Variants in MYO3A observed in about 807,000 individuals in gnomAD.
MYO3A encodes the protein myosin-IIIa.
A neutral mutation model predicts 192.7 loss-of-function variants in MYO3A; 180 were observed. The ratio of observed to expected loss-of-function variants is 0.93; its 90% CI spans 0.83 to 1.06. The LOEUF (loss-of-function observed/expected upper bound fraction) is 1.06, where lower values mean the gene tolerates loss of function less well. MYO3A is among the 50% of genes least tolerant of loss of function. The pLI is 0.00. For missense variants in MYO3A, 1,896 were observed against 1,905.0 expected (o/e 1.00, Z 0.09); for synonymous variants, 628 against 645.3 (o/e 0.97, Z 0.41).
At chr10:26,130,125 A>G (rs1216488630) in intron 20 of MYO3A, among the ~76,000 whole-genome samples, 3 of 151,462 alleles carry the variant, frequency 2.0e-5, no homozygotes, top group Non-Finnish European at 4.4e-5. Flanking sequence ...TTTTTTTTGA[A>G]ACAGAGTCTC....
intron 29 of MYO3A, among the ~76,000 whole-genome samples, chr10:26,172,308 G>C (rs1842090143): frequency 6.6e-6 from 1 of 152,216 alleles, no homozygotes; most frequent in Non-Finnish European, 1.5e-5. Context: ...ACAGCGGGGA[G>C]CTGGAGAAAG....
chr10:26,040,465 A>G (rs568617715), intron 10 of MYO3A, among the ~76,000 whole-genome samples: 1 of 152,170 alleles, frequency 6.6e-6, no homozygotes, highest in African/African-American at 2.4e-5. Context: ...ATTTTCAGCA[A>G]TTGAGAATTA....
At position 26,096,479 on chromosome 10, in the gene MYO3A, G is replaced by T; in HGVS notation, c.1661G>T (p.Arg554Met). Reference sequence around the variant, plus strand: ...AAACTGCCTGAAAATAAGCCTCCCAGGTAATCTACCAGGTTGAGCTTTCAT... The same window carrying T: ...AAACTGCCTGAAAATAAGCCTCCCATGTAATCTACCAGGTTGAGCTTTCAT... ...HYKLPENKPP[R>M]YLQNDHLRTV... Residue 554 changes from arginine (R) to methionine (M), a missense_variant and splice_region_variant, in exon 16 of 35, where the codon AGG (arginine) becomes ATG (methionine). Transcript: ENST00000642920. 1 of 1,611,612 alleles carries T rather than the reference G, an allele frequency of 6.2e-7. No homozygotes were observed.
intron 3 of MYO3A, 150 bp from the exon 4 acceptor site, chr10:25,954,724 A>T: frequency 1.4e-6 from 1 of 715,196 alleles, no homozygotes; most frequent in East Asian, 2.7e-5. Context: ...AAATTATGTA[A>T]TGAGAAATTA....
chr10:26,099,505 G>T (rs1837292143), intron 17 of MYO3A, among the ~76,000 whole-genome samples: 1 of 152,126 alleles, frequency 6.6e-6, no homozygotes, highest in African/African-American at 2.4e-5. Context: ...CAAAGGGAAT[G>T]CTTCCAGTTT....
At chr10:26,049,895 C>T (rs773302101) in intron 10 of MYO3A, among the ~76,000 whole-genome samples, 2 of 151,862 alleles carry the variant, frequency 1.3e-5, no homozygotes, top group Admixed American at 6.6e-5. Context: ...AGGATGGTCT[C>T]GATCTCATGA....
intron 33 of MYO3A, among the ~76,000 whole-genome samples, chr10:26,201,889 T>C (rs1343741812): frequency 6.6e-6 from 1 of 152,182 alleles, no homozygotes; most frequent in Non-Finnish European, 1.5e-5. Context: ...AATTTGCTTT[T>C]CTTGTTCCAT....
At chr10:25,938,964 A>T (rs1588624244) in intron 2 of MYO3A, among the ~76,000 whole-genome samples, 2 of 152,162 alleles carry the variant, frequency 1.3e-5, no homozygotes, top group East Asian at 3.8e-4. Context: ...ATTATGAGAT[A>T]CAGAACTTGG....
At chr10:26,171,316 A>G (rs899999694) in intron 29 of MYO3A, among the ~76,000 whole-genome samples, 6 of 152,114 alleles carry the variant, frequency 3.9e-5, no homozygotes, top group Non-Finnish European at 5.9e-5. Flanking sequence ...TTTAACATCA[A>G]GTCTGGCCAT....
chr10:26,114,568 A>T (rs986066654), intron 17 of MYO3A, among the ~76,000 whole-genome samples: 2 of 147,468 alleles, frequency 1.4e-5, no homozygotes, highest in Non-Finnish European at 3.0e-5. Flanking sequence ...CGTCAAAAGA[A>T]GAGGACATTT....
At chr10:26,163,871 G>A (rs1029387794) in intron 26 of MYO3A, among the ~76,000 whole-genome samples, 5 of 152,172 alleles carry the variant, frequency 3.3e-5, no homozygotes, top group Non-Finnish European at 7.4e-5. Flanking sequence ...GAACACTAGC[G>A]TTTAAGCAAC....
intron 10 of MYO3A, 143 bp from the exon 11 acceptor site, chr10:26,066,832 A>G (rs1834875385): frequency 6.3e-6 from 4 of 634,446 alleles, no homozygotes; most frequent in Non-Finnish European, 1.1e-5. Context: ...TAAAGATCAA[A>G]TATATTAGGC....
At position 26,157,393 on chromosome 10, in the gene MYO3A, G is replaced by T. The variant is rs1227394916; in HGVS notation, c.2877G>T (p.Gln959His). ...GCATCAAACCAAATAGTGAGCGTCA[G>T]GCAAGAAAATATGACAAAGAGAAAG... ...VRCIKPNSERQARKYDKEKVL... is the reference protein window; with the variant it reads ...VRCIKPNSERHARKYDKEKVL... The change falls in exon 26 of 35, where the codon CAG becomes CAT. Residue 959 changes from glutamine to histidine, a missense_variant. Coordinates refer to ENST00000642920, the MANE Select transcript of MYO3A (RefSeq NM_017433.5). The T allele has an allele frequency of 1.9e-6, 3 of 1,614,086 alleles. No homozygotes were observed. Among genetic ancestry groups the T allele is most frequent in the Non-Finnish European group, 2.5e-6 (3 of 1,179,994 alleles).
At chr10:26,143,286 G>T (rs553922183) in intron 20 of MYO3A, among the ~76,000 whole-genome samples, 162 bp from the exon 21 acceptor site, 1 of 152,258 alleles carries the variant, frequency 6.6e-6, no homozygotes, top group Non-Finnish European at 1.5e-5. Flanking sequence ...AGCCTAGATT[G>T]CGCCAATATA....
intron 6 of MYO3A, among the ~76,000 whole-genome samples, chr10:26,014,253 C>T (rs1841846318): frequency 6.6e-6 from 1 of 152,024 alleles, no homozygotes; most frequent in African/African-American, 2.4e-5. Context: ...CAAATAAACA[C>T]ATGTACATCA....
At chr10:26,052,904 T>C (rs903123953) in intron 10 of MYO3A, among the ~76,000 whole-genome samples, 2 of 152,160 alleles carry the variant, frequency 1.3e-5, no homozygotes, top group Non-Finnish European at 2.9e-5. Context: ...TTGTGACCTT[T>C]GACAACACTG....
At chr10:25,991,004 T>C (rs919318139) in intron 4 of MYO3A, among the ~76,000 whole-genome samples, 8 of 152,204 alleles carry the variant, frequency 5.3e-5, no homozygotes, top group Admixed American at 3.9e-4. Context: ...GCAGCATGAT[T>C]TACAATCCTT....
chr10:26,021,714 C>A, intron 8 of MYO3A, 66 bp downstream of exon 8: 1 of 1,583,422 alleles, frequency 6.3e-7, no homozygotes, highest in South Asian at 1.1e-5. Flanking sequence ...ACCAAGTGTT[C>A]ATCATGCTCT....
chr10:25,992,598 G>A (rs1588719791), intron 4 of MYO3A, among the ~76,000 whole-genome samples: 1 of 152,188 alleles, frequency 6.6e-6, no homozygotes, highest in Admixed American at 6.5e-5. Context: ...GGTTTTCAAA[G>A]GGAATGCTTC....
Sources: gnomAD v4.1 joint callset for allele counts (sites outside exome capture counted in the v4.1 genomes callset) on GRCh38, gnomAD v4.1.1 for gene constraint, MANE v1.5 for transcripts, NCBI Gene and HGNC (gene_info 2026-07-23, HGNC 2026-07-21) for gene names.